Variants in BAZ2B observed in about 807,000 individuals in gnomAD.
The protein encoded by BAZ2B is bromodomain adjacent to zinc finger domain 2B, also known as bromodomain adjacent to zinc finger domain protein 2B.
BAZ2B carries 91 observed loss-of-function variants against 246.0 expected under a neutral mutation model. The ratio of observed to expected loss-of-function variants is 0.37; its 90% CI spans 0.31 to 0.44. BAZ2B has a LOEUF of 0.44. BAZ2B is among the 20% of genes least tolerant of loss of function. The probability of loss-of-function intolerance (pLI) is 1.00; values close to 1 mark genes in which losing one functional copy is unlikely to be tolerated. For synonymous variants in BAZ2B, 855 were observed against 860.0 expected (o/e 0.99, Z 0.10); for missense variants, 2,332 against 2,533.7 (o/e 0.92, Z 1.71).
intron 1 of BAZ2B, among the ~76,000 whole-genome samples, chr2:159,608,871 G>A (rs1694105703): frequency 6.6e-6 from 1 of 152,068 alleles, no homozygotes; most frequent in East Asian, 1.9e-4. Flanking sequence ...AGCCAAGAAA[G>A]AGTAAAATGC....
At position 159,373,074 on chromosome 2, in the gene BAZ2B, A is replaced by G; in HGVS notation, c.4184T>C (p.Ile1395Thr). Residue 1395 changes from isoleucine (I) to threonine (T), a missense_variant, in exon 27 of 37, where the codon ATT becomes ACT. This residue lies in a region of BAZ2B where 676 missense variants were observed against 668.6 expected (regional missense o/e 1.01). Coordinates refer to ENST00000392783, the MANE Select transcript of BAZ2B (RefSeq NM_013450.4). ...RYWILPQCGG[I>T]FVEGMESGEG... ...ACCACTCTCCATGCCTTCTACAAAA[A>G]TCCCCCCACATTGGGGAAGAATCCA... is the stretch of plus-strand genomic sequence containing the variant. The G allele has an allele frequency of 1.2e-6, 2 of 1,613,904 alleles. No individual in the cohort carries two copies. The highest frequency in any genetic ancestry group is 1.7e-6 in the Non-Finnish European group (2 of 1,179,882).
intron 9 of BAZ2B, among the ~76,000 whole-genome samples, chr2:159,432,205 G>A (rs892567017): frequency 1.3e-5 from 2 of 151,782 alleles, no homozygotes; most frequent in African/African-American, 4.8e-5. Context: ...TCAGTCTTCT[G>A]TGGAATGAGG....
intron 3 of BAZ2B, among the ~76,000 whole-genome samples, chr2:159,454,147 C>T (rs1011950418): frequency 6.6e-6 from 1 of 151,924 alleles, no homozygotes; most frequent in African/African-American, 2.4e-5. Context: ...ATATATTTTA[C>T]TCATAAGAAG....
intron 27 of BAZ2B, among the ~76,000 whole-genome samples, chr2:159,359,277 C>T (rs1024889297): frequency 6.6e-6 from 1 of 152,138 alleles, no homozygotes; most frequent in African/African-American, 2.4e-5. Flanking sequence ...AAGTGGATAT[C>T]ACCACTGATC....
At chr2:159,523,501 C>T (rs1410054315) in intron 2 of BAZ2B, among the ~76,000 whole-genome samples, 1 of 151,926 alleles carries the variant, frequency 6.6e-6, no homozygotes, top group African/African-American at 2.4e-5. Flanking sequence ...ATCAGGAGTT[C>T]GAGACCAGCC....
the BAZ2B span, among the ~76,000 whole-genome samples, chr2:159,678,665 C>G: frequency 6.6e-6 from 1 of 152,110 alleles, no homozygotes; most frequent in Middle Eastern, 3.4e-3. Flanking sequence ...ACATTTTTTC[C>G]TAAAATTGAT....
At chr2:159,342,712 T>G (rs1019765460) in intron 31 of BAZ2B, among the ~76,000 whole-genome samples, 8 of 151,912 alleles carry the variant, frequency 5.3e-5, no homozygotes, top group Non-Finnish European at 1.0e-4. Context: ...AGGAGTAAAT[T>G]TAACCAAAGA....
chr2:159,422,837 CTG>C (rs1247524278), intron 13 of BAZ2B, among the ~76,000 whole-genome samples: 1 of 152,034 alleles, frequency 6.6e-6, no homozygotes, highest in African/African-American at 2.4e-5. Flanking sequence ...TATCTAGACT[CTG>C]TAAGAAACTT....
At position 159,382,758 on chromosome 2, in the gene BAZ2B, G is replaced by C. The variant is rs746039766; in HGVS notation, c.3806C>G (p.Ser1269Ter). ...HAKKTGKRDT[S>*]GGIDLGEEQH... is the part of the protein sequence containing the mutation. Reference sequence around the variant, plus strand: ...CTCTTCTCCCAGATCAATGCCACCTGAAGTGTCTCTTTTGCCTGTTTTCTT... The same window carrying C: ...CTCTTCTCCCAGATCAATGCCACCTCAAGTGTCTCTTTTGCCTGTTTTCTT... The change falls in exon 25 of 37, where the codon TCA (serine) becomes TGA (stop). Residue 1269 changes from serine (S) to a stop codon, truncating the protein, a stop_gained. Transcript: ENST00000392783. LOFTEE classifies it high-confidence loss of function. The C allele has an allele frequency of 6.2e-7, 1 of 1,613,656 alleles. No individual in the cohort carries two copies.
chr2:159,612,868 C>G (rs1021994729), intron 1 of BAZ2B, among the ~76,000 whole-genome samples: 1 of 151,992 alleles, frequency 6.6e-6, no homozygotes. Flanking sequence ...CACTGCAGTT[C>G]TATAATAAAC....
At chr2:159,349,638 G>A (rs1261933485) in intron 28 of BAZ2B, 70 bp downstream of exon 28, 5 of 1,446,626 alleles carry the variant, frequency 3.5e-6, no homozygotes, top group African/African-American at 1.4e-5. Flanking sequence ...GCCCCCTTGA[G>A]CAAAAATCTC....
chr2:159,390,485 CT>C (rs2063196845), intron 20 of BAZ2B, among the ~76,000 whole-genome samples: 1 of 152,076 alleles, frequency 6.6e-6, no homozygotes, highest in Non-Finnish European at 1.5e-5. Flanking sequence ...TGTTTCATAG[CT>C]CTTAACTCTG....
At chr2:159,427,801 G>A in intron 13 of BAZ2B, 140 bp downstream of exon 13, 2 of 593,654 alleles carry the variant, frequency 3.4e-6, no homozygotes, top group South Asian at 5.0e-5. Flanking sequence ...GCCTTAATGA[G>A]TGCTTACCAC....
At chr2:159,601,166 C>A (rs1342269793) in intron 1 of BAZ2B, among the ~76,000 whole-genome samples, 1 of 152,102 alleles carries the variant, frequency 6.6e-6, no homozygotes, top group Non-Finnish European at 1.5e-5. Flanking sequence ...GCTCTTCTTG[C>A]CTCTTATTCC....
At chr2:159,581,457 C>T (rs1019685168) in intron 1 of BAZ2B, among the ~76,000 whole-genome samples, 6 of 152,150 alleles carry the variant, frequency 3.9e-5, no homozygotes, top group Admixed American at 1.3e-4. Context: ...AATAGGAACA[C>T]TTTTACACTG....
chr2:159,431,137 T>C lies in BAZ2B; in HGVS notation c.1920A>G (p.Glu640=). The C allele has an allele frequency of 6.2e-7, 1 of 1,608,036 alleles. No homozygotes were observed. Among genetic ancestry groups the C allele is most frequent in the South Asian group, 1.1e-5 (1 of 90,490 alleles). Reference sequence around the variant, plus strand: ...CTTCTTCTGATCCTTCTGTATCTGATTCTGAATTACTATCTGATTCTGGGA... The same window carrying C: ...CTTCTTCTGATCCTTCTGTATCTGACTCTGAATTACTATCTGATTCTGGGA... The part of the protein sequence containing the change: ...DSQSESDSNS[E]SDTEGSEEED... Residue 640 remains glutamate, a synonymous_variant, in exon 10 of 37, where the codon GAA becomes GAG. Transcript: ENST00000392783.
intron 2 of BAZ2B, among the ~76,000 whole-genome samples, chr2:159,546,706 C>G (rs2087403161): frequency 6.6e-6 from 1 of 151,616 alleles, no homozygotes; most frequent in Non-Finnish European, 1.5e-5. Flanking sequence ...GCATGGCATA[C>G]CACATGATCT....
At chr2:159,597,590 G>C (rs755312686) in intron 1 of BAZ2B, among the ~76,000 whole-genome samples, 1 of 152,058 alleles carries the variant, frequency 6.6e-6, no homozygotes, top group African/African-American at 2.4e-5. Flanking sequence ...GCAGTGACGC[G>C]ATGTCAGCTC....
intron 27 of BAZ2B, among the ~76,000 whole-genome samples, chr2:159,370,944 T>C (rs1373498628): frequency 1.3e-5 from 2 of 152,046 alleles, no homozygotes; most frequent in African/African-American, 4.8e-5. Flanking sequence ...TAGCTGGGAT[T>C]ACTGGCATGC....
Sources: gnomAD v4.1 joint callset for allele counts (sites outside exome capture counted in the v4.1 genomes callset) on GRCh38, gnomAD v4.1.1 for gene constraint, gnomAD v4.1.1 regional missense constraint, MANE v1.5 for transcripts, NCBI Gene and HGNC (gene_info 2026-07-23, HGNC 2026-07-21) for gene names.